The following ELP4 variants were observed in gnomAD, a reference collection of about 807,000 sequenced individuals.
ELP4 encodes elongator acetyltransferase complex subunit 4, also known as elongator complex protein 4.
Under a neutral mutation model 48.9 loss-of-function variants are expected in ELP4, and 51 were observed. That is an observed-to-expected ratio of 1.04 (90% CI 0.83 to 1.32). The LOEUF is 1.32. Ranked by LOEUF, ELP4 falls within the 40% of genes most tolerant of loss-of-function variation. The probability of loss-of-function intolerance (pLI) is 0.00; values close to 1 mark genes in which losing one functional copy is unlikely to be tolerated. For missense variants in ELP4, 519 were observed against 514.6 expected (o/e 1.01, Z -0.08); for synonymous variants, 210 against 189.2 (o/e 1.11, Z -0.90).
At chr11:31,724,548 C>A (rs1565127739) in intron 9 of ELP4, among the ~76,000 whole-genome samples, 2 of 152,242 alleles carry the variant, frequency 1.3e-5, no homozygotes, top group Non-Finnish European at 2.9e-5. Flanking sequence ...ACCAACAAGA[C>A]AGATCCTAAT....
Position 31,787,119 on chromosome 11 carries a change from G to T in ELP4, c.*3595G>T, listed in dbSNP as rs1003781714. The T allele has an allele frequency of 4.3e-6, 1 of 232,258 alleles. No homozygotes were observed. Among genetic ancestry groups the T allele is most frequent in the South Asian group, 1.8e-4 (1 of 5,524 alleles). 14.4% of individuals were successfully genotyped at this position (232,258 alleles called of 1,614,324 possible). On this transcript the variant is annotated 3_prime_UTR_variant, in exon 10 of 10. Coordinates refer to ENST00000640961, the MANE Select transcript of ELP4 (RefSeq NM_019040.5). ...CCTGCCATGCTGTCCCCAAGAGAGT[G>T]CCTGGAGCTCTGTTTGGAAGGACAG... is the stretch of plus-strand genomic sequence containing the variant.
intron 7 of ELP4, among the ~76,000 whole-genome samples, chr11:31,641,756 C>G (rs1304262257): frequency 6.6e-6 from 1 of 151,904 alleles, no homozygotes; most frequent in African/African-American, 2.4e-5. Flanking sequence ...GGACCTGGCT[C>G]TTGTCAACCT....
At chr11:31,760,591 C>G (rs1947924675) in intron 9 of ELP4, among the ~76,000 whole-genome samples, 1 of 152,080 alleles carries the variant, frequency 6.6e-6, no homozygotes, top group East Asian at 1.9e-4. Flanking sequence ...ACACAAGATT[C>G]CTAATAGGTC....
At chr11:31,672,950 A>G (rs1044381464) in intron 9 of ELP4, among the ~76,000 whole-genome samples, 1 of 152,176 alleles carries the variant, frequency 6.6e-6, no homozygotes, top group Non-Finnish European at 1.5e-5. Flanking sequence ...TGGAAAGGTA[A>G]AACTTGGAAA....
chr11:31,557,278 C>T (rs1052787785), intron 3 of ELP4, among the ~76,000 whole-genome samples: 4 of 151,756 alleles, frequency 2.6e-5, no homozygotes, highest in African/African-American at 7.2e-5. Context: ...ATATTGAACT[C>T]ATTTGTTAGG....
At chr11:31,672,110 C>T (rs1182944904) in intron 9 of ELP4, among the ~76,000 whole-genome samples, 1 of 152,066 alleles carries the variant, frequency 6.6e-6, no homozygotes, top group Non-Finnish European at 1.5e-5. Context: ...ACCCTGATAT[C>T]TATTAGGGGT....
At chr11:31,658,051 A>G (rs1376571123) in intron 9 of ELP4, among the ~76,000 whole-genome samples, 1 of 151,960 alleles carries the variant, frequency 6.6e-6, no homozygotes, top group Non-Finnish European at 1.5e-5. Flanking sequence ...ACTGGCAGAA[A>G]TGACACTTAA....
chr11:31,690,623 T>C (rs1462477846), intron 9 of ELP4, among the ~76,000 whole-genome samples: 2 of 152,016 alleles, frequency 1.3e-5, no homozygotes, highest in African/African-American at 2.4e-5. Context: ...TTCCGTTAGC[T>C]TCCTACCTTC....
At position 31,603,750 on chromosome 11, in the gene ELP4, TG is replaced by T. The variant is rs35843493; in HGVS notation, c.514-14del. On this transcript the variant is annotated splice_polypyrimidine_tract_variant and intron_variant, in intron 4 of 9. Coordinates refer to ENST00000640961, the MANE Select transcript of ELP4 (RefSeq NM_019040.5). ...AAAAATAATTGTTTAACAACCACTA[TG>T]GGGTTTATTTTAGCAGATTGGACCA... The T allele has an allele frequency of 2.5e-6, 4 of 1,602,680 alleles. No homozygotes were observed. Among genetic ancestry groups the T allele is most frequent in the South Asian group, 2.2e-5 (2 of 88,926 alleles).
At chr11:31,658,176 A>C (rs1042599879) in intron 9 of ELP4, among the ~76,000 whole-genome samples, 1 of 152,062 alleles carries the variant, frequency 6.6e-6, no homozygotes, top group Non-Finnish European at 1.5e-5. Context: ...TGTGTCCTGA[A>C]GGATTCTTCA....
chr11:31,693,923 C>G (rs1286620307), intron 9 of ELP4, among the ~76,000 whole-genome samples: 1 of 152,184 alleles, frequency 6.6e-6, no homozygotes, highest in African/African-American at 2.4e-5. Context: ...TGATGATGAG[C>G]ATTTTCTCAT....
intron 9 of ELP4, among the ~76,000 whole-genome samples, chr11:31,764,078 G>A (rs537063762): frequency 1.6e-4 from 24 of 152,096 alleles, no homozygotes; most frequent in Non-Finnish European, 3.2e-4. Context: ...TATGTTCACT[G>A]CAGCTAAAAC....
At chr11:31,563,954 G>C (rs1052203892) in intron 3 of ELP4, among the ~76,000 whole-genome samples, 1 of 152,104 alleles carries the variant, frequency 6.6e-6, no homozygotes, top group African/African-American at 2.4e-5. Flanking sequence ...AGCTGTAATA[G>C]TTCAATATTA....
chr11:31,548,286 G>C (rs2133922287), intron 3 of ELP4, among the ~76,000 whole-genome samples: 1 of 152,294 alleles, frequency 6.6e-6, no homozygotes, highest in African/African-American at 2.4e-5. Flanking sequence ...CTTCAGCAAA[G>C]TCTCAGGATA....
At chr11:31,691,634 T>C (rs1946283895) in intron 9 of ELP4, among the ~76,000 whole-genome samples, 1 of 152,170 alleles carries the variant, frequency 6.6e-6, no homozygotes, top group Admixed American at 6.6e-5. Flanking sequence ...TGGCAGTGGT[T>C]TTTTTAACCT....
Position 31,790,273 on chromosome 11 carries a change from C to A in ELP4, c.*6749C>A, listed in dbSNP as rs1322081537. The A allele has an allele frequency of 9.1e-6, 5 of 548,770 alleles. No homozygotes were observed. The East Asian group carries it at 1.5e-4, about 17-fold the overall frequency. The allele number at this position is 548,770 out of a possible 1,614,324, so 34.0% of individuals were successfully genotyped here. ...TCCAAAGGAAAAGAAAAAAAAAATC[C>A]TCTGTTTGTTTGCATGTTTGGAACT... On this transcript the variant is annotated 3_prime_UTR_variant, in exon 10 of 10. Coordinates refer to ENST00000640961, the MANE Select transcript of ELP4 (RefSeq NM_019040.5).
intron 3 of ELP4, among the ~76,000 whole-genome samples, chr11:31,575,955 G>A (rs138584744): frequency 0.01 from 1,572 of 152,270 alleles, 40 homozygotes; most frequent in African/African-American, 0.036. Context: ...AACCTTAAAT[G>A]TAAATGGACT....
chr11:31,678,717 A>C (rs1945991139), intron 9 of ELP4, among the ~76,000 whole-genome samples: 1 of 152,116 alleles, frequency 6.6e-6, no homozygotes, highest in Admixed American at 6.6e-5. Flanking sequence ...TACTGGTATA[A>C]ACATCCGTGT....
At position 31,787,293 on chromosome 11, in the gene ELP4, T is replaced by C. The variant is rs1451514591; in HGVS notation, c.*3769T>C. ...AATCCTGACCTTCAGAGCACACATA[T>C]ACGTGCCCAAGTGCACACATACAGA... On this transcript the variant is annotated 3_prime_UTR_variant, in exon 10 of 10. Transcript: ENST00000640961. 4.3e-6 allele frequency: 1 copy of C among 233,032 alleles called. No individual in the cohort carries two copies. The highest frequency in any genetic ancestry group is 2.2e-5 in the African/African-American group (1 of 45,348). The allele number at this position is 233,032 out of a possible 1,614,324, so 14.4% of individuals were successfully genotyped here.
Sources: allele counts gnomAD v4.1 joint callset (sites outside exome capture counted in the v4.1 genomes callset), GRCh38; gene constraint gnomAD v4.1.1; transcripts MANE v1.5; gene names NCBI Gene and HGNC (gene_info 2026-07-23, HGNC 2026-07-21).